SNTB1: variants seen among roughly 807,000 people sequenced by gnomAD.
SNTB1 encodes the protein beta-1-syntrophin.
In SNTB1, 36 loss-of-function variants were observed where a neutral mutation model predicts 48.9. The ratio of observed to expected loss-of-function variants is 0.74; its 90% CI spans 0.56 to 0.97. SNTB1 has a LOEUF of 0.97. Among genes scored for constraint, SNTB1 ranks in the 50% least tolerant of loss-of-function variants. The probability of loss-of-function intolerance (pLI) is 0.00; values close to 1 mark genes in which losing one functional copy is unlikely to be tolerated. For missense variants in SNTB1, 786 were observed against 703.4 expected, an observed-to-expected ratio of 1.12 and a Z score of -1.33; for synonymous variants, 299 against 294.6, an observed-to-expected ratio of 1.01 and a Z score of -0.15.
At chr8:120,799,409 T>G (rs916493768) in intron 1 of SNTB1, among the ~76,000 whole-genome samples, 1 of 151,842 alleles carries the variant, frequency 6.6e-6, no homozygotes, top group African/African-American at 2.4e-5. Flanking sequence ...AAAACTATTA[T>G]AATATGCTCA....
At chr8:120,709,842 G>A (rs1209663497) in intron 1 of SNTB1, among the ~76,000 whole-genome samples, 1 of 151,670 alleles carries the variant, frequency 6.6e-6, no homozygotes, top group African/African-American at 2.4e-5. Flanking sequence ...TGAAAAAGAA[G>A]AAAATAATAC....
chr8:120,544,984 T>C (rs192864912), intron 5 of SNTB1, among the ~76,000 whole-genome samples: 8 of 152,278 alleles, frequency 5.3e-5, no homozygotes, highest in East Asian at 1.9e-4. Context: ...TTTTTCATGA[T>C]TGCATAAACA....
chr8:120,808,950 C>T (rs1820384115), intron 1 of SNTB1, among the ~76,000 whole-genome samples: 1 of 152,116 alleles, frequency 6.6e-6, no homozygotes, highest in Non-Finnish European at 1.5e-5. Flanking sequence ...AAAACATCTC[C>T]CTTTGCCCTG....
intron 1 of SNTB1, among the ~76,000 whole-genome samples, chr8:120,716,805 A>G (rs12543075): frequency 0.16 from 24,960 of 152,102 alleles, 2,416 homozygotes; most frequent in African/African-American, 0.26. Flanking sequence ...GAAATAGAAG[A>G]TTTTTTTCTA....
chr8:120,697,550 G>A (rs952004333), intron 1 of SNTB1, among the ~76,000 whole-genome samples: 20 of 152,152 alleles, frequency 1.3e-4, no homozygotes, highest in African/African-American at 4.8e-4. Flanking sequence ...TCTCAAGCTC[G>A]ACAAATCTCT....
chr8:120,757,265 T>C (rs1327905391), intron 1 of SNTB1, among the ~76,000 whole-genome samples: 1 of 152,154 alleles, frequency 6.6e-6, no homozygotes, highest in Non-Finnish European at 1.5e-5. Flanking sequence ...TCCTACATGA[T>C]ACTGGGTGAT....
At chr8:120,733,622 A>G (rs1199736881) in intron 1 of SNTB1, among the ~76,000 whole-genome samples, 2 of 152,240 alleles carry the variant, frequency 1.3e-5, no homozygotes, top group African/African-American at 4.8e-5. Context: ...GTAATTACAA[A>G]TAATTAGCTC....
At chr8:120,794,200 T>C (rs1470657874) in intron 1 of SNTB1, among the ~76,000 whole-genome samples, 3 of 151,982 alleles carry the variant, frequency 2.0e-5, no homozygotes, top group Admixed American at 6.6e-5. Context: ...CTTTAGACCA[T>C]ACAATATTCT....
chr8:120,578,891 A>T (rs535655200), intron 3 of SNTB1, among the ~76,000 whole-genome samples: 1 of 152,308 alleles, frequency 6.6e-6, no homozygotes, highest in South Asian at 2.1e-4. Flanking sequence ...TATGTAAAAG[A>T]ATTGGACGGG....
At chr8:120,662,381 G>A (rs1056966256) in intron 2 of SNTB1, among the ~76,000 whole-genome samples, 3 of 152,168 alleles carry the variant, frequency 2.0e-5, no homozygotes, top group Admixed American at 1.3e-4. Context: ...AAGAAAGTCA[G>A]TCTCTCTGTG....
chr8:120,620,315 T>C (rs749411711), intron 3 of SNTB1, among the ~76,000 whole-genome samples: 4 of 152,220 alleles, frequency 2.6e-5, no homozygotes, highest in Non-Finnish European at 5.9e-5. Flanking sequence ...GTATAAATTA[T>C]CTTTTGCAGT....
chr8:120,671,110 T>A (rs1214761216), intron 2 of SNTB1, among the ~76,000 whole-genome samples: 1 of 152,148 alleles, frequency 6.6e-6, no homozygotes, highest in Non-Finnish European at 1.5e-5. Flanking sequence ...TCCAGGCCCC[T>A]TTTTTTGGAG....
intron 3 of SNTB1, among the ~76,000 whole-genome samples, chr8:120,624,822 A>G (rs1816850241): frequency 6.6e-6 from 1 of 152,228 alleles, no homozygotes; most frequent in African/African-American, 2.4e-5. Flanking sequence ...TCTGAAATAC[A>G]ATGATAGGAC....
At chr8:120,618,226 T>C (rs1028375486) in intron 3 of SNTB1, among the ~76,000 whole-genome samples, 2 of 152,204 alleles carry the variant, frequency 1.3e-5, no homozygotes, top group Non-Finnish European at 2.9e-5. Context: ...TGCACAGGTC[T>C]GTATTTGAAA....
intron 2 of SNTB1, among the ~76,000 whole-genome samples, chr8:120,639,078 G>A (rs542837807): frequency 1.0e-3 from 159 of 152,202 alleles, no homozygotes; most frequent in African/African-American, 3.5e-3. Context: ...TTTAATGATC[G>A]CCATTCTAAC....
intron 1 of SNTB1, among the ~76,000 whole-genome samples, chr8:120,739,562 C>T (rs529474919): frequency 4.7e-4 from 71 of 152,102 alleles, no homozygotes; most frequent in African/African-American, 1.7e-3. Context: ...TAGAGGAATT[C>T]GAATGAACTG....
chr8:120,550,105 T>G (rs1586989531), intron 4 of SNTB1, among the ~76,000 whole-genome samples: 1 of 152,216 alleles, frequency 6.6e-6, no homozygotes, highest in Non-Finnish European at 1.5e-5. Context: ...TATTACCTGT[T>G]GAATTTCTGG....
At chr8:120,645,753 G>A (rs1214464852) in intron 2 of SNTB1, among the ~76,000 whole-genome samples, 2 of 113,430 alleles carry the variant, frequency 1.8e-5, no homozygotes, top group African/African-American at 3.3e-5. Context: ...ATTACCTTGG[G>A]CAGTATGGCC....
chr8:120,584,786 C>T (rs1587008803), intron 3 of SNTB1, among the ~76,000 whole-genome samples: 1 of 152,182 alleles, frequency 6.6e-6, no homozygotes, highest in Middle Eastern at 3.4e-3. Flanking sequence ...ATAGGTTGGA[C>T]CCCTAATCCA....
Sources: allele counts gnomAD v4.1 joint callset (sites outside exome capture counted in the v4.1 genomes callset), GRCh38; gene constraint gnomAD v4.1.1; transcripts MANE v1.5; gene names NCBI Gene and HGNC (gene_info 2026-07-23, HGNC 2026-07-21).